DCDC1: variants seen among roughly 807,000 people sequenced by gnomAD.
DCDC1 encodes the protein doublecortin domain containing 1, also known as doublecortin domain-containing protein 1.
A neutral mutation model predicts 178.3 loss-of-function variants in DCDC1; 200 were observed. That is an observed-to-expected ratio of 1.12 (90% CI 1.00 to 1.26). DCDC1 has a LOEUF of 1.26. DCDC1 is among the 50% of genes most tolerant of loss of function. DCDC1 has a pLI of 0.00. For synonymous variants in DCDC1, 690 were observed against 604.8 expected (o/e 1.14, Z -2.07); for missense variants, 1,983 against 1,749.2 (o/e 1.13, Z -2.38).
At chr11:31,309,150 G>GTGTT (rs1193894406) in intron 3 of DCDC1, among the ~76,000 whole-genome samples, 3 of 151,900 alleles carry the variant, frequency 2.0e-5, no homozygotes, top group African/African-American at 7.2e-5. Context: ...GTTTGTGTGT[G>GTGTT]TGTGTGTGTG....
intron 1 of DCDC1, among the ~76,000 whole-genome samples, chr11:31,360,134 C>T (rs1951632256): frequency 6.6e-6 from 1 of 152,200 alleles, no homozygotes; most frequent in Non-Finnish European, 1.5e-5. Context: ...ATTCCAGAGA[C>T]TCTTTGTTAT....
intron 20 of DCDC1, among the ~76,000 whole-genome samples, chr11:30,986,842 ATAGAG>A (rs1033080034): frequency 1.3e-4 from 20 of 152,274 alleles, no homozygotes; most frequent in South Asian, 6.2e-4. Context: ...TCCAAATATA[ATAGAG>A]TAAACAGTTC....
chr11:31,197,415 T>G (rs949158673), intron 9 of DCDC1, among the ~76,000 whole-genome samples: 7 of 152,158 alleles, frequency 4.6e-5, no homozygotes, highest in Non-Finnish European at 1.5e-5. Flanking sequence ...TTACAATGAC[T>G]AAATGTAAAC....
intron 8 of DCDC1, among the ~76,000 whole-genome samples, chr11:31,257,693 AACACACAC>A (rs60535376): frequency 6.3e-5 from 9 of 143,870 alleles, no homozygotes; most frequent in African/African-American, 2.3e-4. Context: ...CAGATAGGAA[AACACACAC>A]ACACACACAC....
At chr11:30,880,270 A>G (rs549275924) in intron 37 of DCDC1, among the ~76,000 whole-genome samples, 2 of 152,266 alleles carry the variant, frequency 1.3e-5, no homozygotes, top group Non-Finnish European at 2.9e-5. Context: ...TCCATAATGT[A>G]GGATGGTGCA....
intron 9 of DCDC1, among the ~76,000 whole-genome samples, chr11:31,191,268 C>G (rs1173379488): frequency 6.6e-6 from 1 of 151,994 alleles, no homozygotes. Context: ...CCCATGGATA[C>G]AGAAAGCCTA....
intron 9 of DCDC1, among the ~76,000 whole-genome samples, chr11:31,170,580 C>G (rs779080565): frequency 2.6e-5 from 4 of 152,144 alleles, no homozygotes; most frequent in Non-Finnish European, 4.4e-5. Context: ...AATAAAACAT[C>G]TTAGATTTTG....
intron 9 of DCDC1, among the ~76,000 whole-genome samples, chr11:31,149,386 A>G (rs1964872103): frequency 6.6e-6 from 1 of 152,084 alleles, no homozygotes; most frequent in Non-Finnish European, 1.5e-5. Context: ...ACTCTATAAA[A>G]TGGATCAATC....
intron 36 of DCDC1, among the ~76,000 whole-genome samples, chr11:30,891,193 G>A (rs1427006616): frequency 1.3e-5 from 2 of 152,078 alleles, no homozygotes; most frequent in African/African-American, 4.8e-5. Flanking sequence ...TTGATGTTAA[G>A]CTGTCAATTA....
At chr11:31,022,787 C>A (rs1222450954) in intron 20 of DCDC1, among the ~76,000 whole-genome samples, 6 of 151,448 alleles carry the variant, frequency 4.0e-5, no homozygotes, top group Non-Finnish European at 8.8e-5. Context: ...CCACCCCATA[C>A]ACATCACCTG....
chr11:31,175,784 C>T (rs1382960149), intron 9 of DCDC1, among the ~76,000 whole-genome samples: 1 of 152,198 alleles, frequency 6.6e-6, no homozygotes, highest in African/African-American at 2.4e-5. Context: ...CTAAAGCAAT[C>T]ACAGATATTG....
intron 21 of DCDC1, among the ~76,000 whole-genome samples, chr11:30,947,523 A>G (rs1183204716): frequency 1.3e-5 from 2 of 152,174 alleles, no homozygotes; most frequent in African/African-American, 4.8e-5. Flanking sequence ...CAGAAGAATG[A>G]AACTAGACCC....
chr11:30,868,986 G>A (rs1941285534), intron 38 of DCDC1, among the ~76,000 whole-genome samples: 1 of 152,196 alleles, frequency 6.6e-6, no homozygotes, highest in South Asian at 2.1e-4. Context: ...CTGCACCAGG[G>A]AGCATGTGGT....
intron 1 of DCDC1, among the ~76,000 whole-genome samples, chr11:31,350,297 T>C (rs1470628465): frequency 6.6e-6 from 1 of 152,112 alleles, no homozygotes; most frequent in Admixed American, 6.5e-5. Flanking sequence ...AAAAATTATA[T>C]CAATACTCAA....
intron 20 of DCDC1, among the ~76,000 whole-genome samples, chr11:30,965,196 A>G (rs1276690648): frequency 6.6e-6 from 1 of 152,224 alleles, no homozygotes; most frequent in African/African-American, 2.4e-5. Flanking sequence ...TACACACATA[A>G]CTTAAACTCA....
chr11:30,947,813 C>A (rs750998912), intron 21 of DCDC1, among the ~76,000 whole-genome samples: 3 of 151,956 alleles, frequency 2.0e-5, no homozygotes, highest in Non-Finnish European at 4.4e-5. Flanking sequence ...TTGCAAACTA[C>A]ACATCTGAGA....
At chr11:30,882,824 G>T (rs1403592331) in intron 36 of DCDC1, 1 of 152,172 alleles carries the variant, frequency 6.6e-6, no homozygotes, top group African/African-American at 2.4e-5. Flanking sequence ...TTTTGAAAAA[G>T]ATTTACAGCA....
chr11:31,205,289 A>G (rs970464704), intron 9 of DCDC1, among the ~76,000 whole-genome samples: 9 of 152,232 alleles, frequency 5.9e-5, no homozygotes, highest in African/African-American at 2.2e-4. Flanking sequence ...TAGTTGAAAC[A>G]GAGGCTGTAT....
chr11:31,077,808 A>G lies in DCDC1; in HGVS notation c.2298+57T>C. On this transcript the variant is annotated intron_variant, in intron 18 of 38. Coordinates refer to ENST00000684477, the MANE Select transcript of DCDC1 (RefSeq NM_001387274.1). Reference sequence around the variant, plus strand: ...CTAAACAATAGATAGTACCCTTTATAAGAATCTGGGAATAGAAAAACTTAG... The same window carrying G: ...CTAAACAATAGATAGTACCCTTTATGAGAATCTGGGAATAGAAAAACTTAG... 3 of 751,208 alleles carry G rather than the reference A, an allele frequency of 4.0e-6. No homozygotes were observed. The South Asian group carries it at 4.2e-5, about 10-fold the overall frequency. The allele number at this position is 751,208 out of a possible 1,614,324, so 46.5% of individuals were successfully genotyped here.
Sources: allele counts gnomAD v4.1 joint callset (sites outside exome capture counted in the v4.1 genomes callset), GRCh38; gene constraint gnomAD v4.1.1; transcripts MANE v1.5; gene names NCBI Gene and HGNC (gene_info 2026-07-23, HGNC 2026-07-21).